NPAS3: variants seen among roughly 807,000 people sequenced by gnomAD.
NPAS3 encodes the protein neuronal PAS domain-containing protein 3.
Under a neutral mutation model 73.1 loss-of-function variants are expected in NPAS3, and 14 were observed. The observed-to-expected ratio is 0.19, with a 90% confidence interval of 0.13 to 0.30. The LOEUF is 0.30. Ranked by LOEUF, NPAS3 falls within the 10% of genes least tolerant of loss-of-function variation. NPAS3 has a pLI of 1.00. For synonymous variants in NPAS3, 620 were observed against 541.5 expected (o/e 1.14, Z -2.01); for missense variants, 1,096 against 1,250.0 (o/e 0.88, Z 1.86).
chr14:33,336,665 C>G (rs1303886562), intron 3 of NPAS3, among the ~76,000 whole-genome samples: 1 of 152,198 alleles, frequency 6.6e-6, no homozygotes, highest in Non-Finnish European at 1.5e-5. Context: ...TGCAAAATCT[C>G]TTCACCCTTG....
At chr14:33,612,762 G>A (rs2057791306) in intron 5 of NPAS3, among the ~76,000 whole-genome samples, 1 of 152,142 alleles carries the variant, frequency 6.6e-6, no homozygotes. Flanking sequence ...GTAAACTGGT[G>A]ATTTGGAGAC....
intron 9 of NPAS3, among the ~76,000 whole-genome samples, chr14:33,793,418 CG>C: frequency 6.6e-6 from 1 of 152,264 alleles, no homozygotes; most frequent in South Asian, 2.1e-4. Flanking sequence ...TATAAGGACG[CG>C]GGTTGAGATT....
intron 4 of NPAS3, among the ~76,000 whole-genome samples, chr14:33,395,342 T>G (rs1256791881): frequency 6.6e-6 from 1 of 152,084 alleles, no homozygotes; most frequent in Admixed American, 6.6e-5. Flanking sequence ...GCTGTTAATT[T>G]TGAGGGTGTT....
At chr14:33,071,278 G>A (rs960573549) in intron 2 of NPAS3, among the ~76,000 whole-genome samples, 2 of 152,134 alleles carry the variant, frequency 1.3e-5, no homozygotes, top group African/African-American at 4.8e-5. Context: ...GAAAAGAACA[G>A]CTTTCTGTTC....
chr14:33,485,994 AG>A (rs1451785828), intron 4 of NPAS3, among the ~76,000 whole-genome samples: 1 of 152,042 alleles, frequency 6.6e-6, no homozygotes, highest in Non-Finnish European at 1.5e-5. Context: ...GGATGTGAGC[AG>A]GGGGAGTGGG....
At chr14:33,636,224 C>T (rs1445461833) in intron 5 of NPAS3, among the ~76,000 whole-genome samples, 2 of 152,186 alleles carry the variant, frequency 1.3e-5, no homozygotes, top group African/African-American at 4.8e-5. Flanking sequence ...CTGGCCCTAA[C>T]TTACTTTTTA....
At chr14:33,257,096 C>A in intron 3 of NPAS3, among the ~76,000 whole-genome samples, 1 of 152,172 alleles carries the variant, frequency 6.6e-6, no homozygotes, top group East Asian at 1.9e-4. Context: ...GCGCCACTCC[C>A]AGACATGATT....
chr14:33,781,598 A>C (rs2062980710), intron 9 of NPAS3, among the ~76,000 whole-genome samples: 2 of 152,270 alleles, frequency 1.3e-5, no homozygotes, highest in African/African-American at 4.8e-5. Flanking sequence ...ATAGAATTCT[A>C]AAACAAAGGG....
chr14:33,187,004 T>C (rs2046000957), intron 2 of NPAS3, among the ~76,000 whole-genome samples: 1 of 152,188 alleles, frequency 6.6e-6, no homozygotes, highest in Admixed American at 6.5e-5. Context: ...TGAGACAAGG[T>C]TGAGAACTCC....
At chr14:32,966,441 C>T (rs536732378) in intron 1 of NPAS3, among the ~76,000 whole-genome samples, 15 of 152,186 alleles carry the variant, frequency 9.9e-5, no homozygotes, top group Non-Finnish European at 8.8e-5. Flanking sequence ...CAAGAATACA[C>T]ATTAGGAAAA....
chr14:33,600,300 T>C (rs544442640), intron 5 of NPAS3, among the ~76,000 whole-genome samples: 10 of 152,326 alleles, frequency 6.6e-5, no homozygotes, highest in African/African-American at 1.9e-4. Context: ...CCCAAGGTAA[T>C]TACTTGGGTC....
chr14:33,723,464 G>A (rs1193828889), intron 6 of NPAS3, among the ~76,000 whole-genome samples: 1 of 152,084 alleles, frequency 6.6e-6, no homozygotes, highest in African/African-American at 2.4e-5. Context: ...ATTTTATTCA[G>A]CAAGGTTAAT....
At chr14:33,643,399 C>CAG (rs753489506) in intron 5 of NPAS3, among the ~76,000 whole-genome samples, 1 of 62,858 alleles carries the variant, frequency 1.6e-5, no homozygotes, top group African/African-American at 5.5e-5. Flanking sequence ...AAAAAAAAAA[C>CAG]GAGAGAGATG....
At chr14:33,516,177 A>G (rs1177870050) in intron 4 of NPAS3, among the ~76,000 whole-genome samples, 1 of 152,162 alleles carries the variant, frequency 6.6e-6, no homozygotes, top group African/African-American at 2.4e-5. Flanking sequence ...TCAGTGGGAA[A>G]GCTAGAATTT....
chr14:33,792,658 T>C lies in NPAS3; in HGVS notation c.1154-1239T>C, dbSNP rs538515817. ...GAAGCACTTATTAGCCGTAATTAAA[T>C]GGACAATATGAATTTACTACGTCTT... On this transcript the variant is annotated intron_variant, in intron 9 of 11. Coordinates refer to ENST00000356141, the Ensembl canonical transcript of NPAS3. Among the ~76,000 whole-genome samples, 4 of 152,226 alleles carry C rather than the reference T, an allele frequency of 2.6e-5. No individual in the cohort carries two copies. The East Asian group carries it at 7.7e-4, about 29-fold the overall frequency.
chr14:33,713,641 T>C (rs1361916869), intron 6 of NPAS3, among the ~76,000 whole-genome samples: 1 of 152,226 alleles, frequency 6.6e-6, no homozygotes, highest in East Asian at 1.9e-4. Context: ...CATCTCACTA[T>C]TGTCACCACC....
chr14:33,268,968 A>G (rs2040947708), intron 3 of NPAS3, among the ~76,000 whole-genome samples: 1 of 152,142 alleles, frequency 6.6e-6, no homozygotes, highest in Non-Finnish European at 1.5e-5. Context: ...TTGAAGTGAA[A>G]GGTCATGGCA....
At chr14:33,747,727 C>G (rs2061847551) in intron 7 of NPAS3, among the ~76,000 whole-genome samples, 1 of 152,196 alleles carries the variant, frequency 6.6e-6, no homozygotes, top group Admixed American at 6.6e-5. Flanking sequence ...GGGCAATTGT[C>G]TATGGAAACA....
At chr14:33,025,647 G>A (rs960365613) in intron 1 of NPAS3, among the ~76,000 whole-genome samples, 1 of 152,126 alleles carries the variant, frequency 6.6e-6, no homozygotes, top group African/African-American at 2.4e-5. Flanking sequence ...GATCATGGGG[G>A]TAGATTTCCC....
Sources: allele counts gnomAD v4.1 joint callset (sites outside exome capture counted in the v4.1 genomes callset), GRCh38; gene constraint gnomAD v4.1.1; transcripts MANE v1.5; gene names NCBI Gene and HGNC (gene_info 2026-07-23, HGNC 2026-07-21).